The following SLC36A1 variants were observed in gnomAD, a reference collection of about 807,000 sequenced individuals.
SLC36A1 encodes proton-coupled amino acid transporter 1.
In SLC36A1, 30 loss-of-function variants were observed where a neutral mutation model predicts 47.5. The ratio of observed to expected loss-of-function variants is 0.63; its 90% CI spans 0.47 to 0.86. The LOEUF (loss-of-function observed/expected upper bound fraction) is 0.86. SLC36A1 is among the 40% of genes least tolerant of loss of function. The pLI, the probability that SLC36A1 is intolerant of heterozygous loss-of-function variation, is 0.00. For synonymous variants in SLC36A1, 255 were observed against 249.7 expected (o/e 1.02, Z -0.20); for missense variants, 517 against 606.0 (o/e 0.85, Z 1.54).
chr5:151,355,750 T>G, the SLC36A1 span, among the ~76,000 whole-genome samples: 2 of 152,212 alleles, frequency 1.3e-5, no homozygotes, highest in African/African-American at 2.4e-5. Context: ...ATGAACCCAT[T>G]TTTCAAAAAA....
At chr5:151,350,468 C>T in the SLC36A1 span, among the ~76,000 whole-genome samples, 68 of 152,230 alleles carry the variant, frequency 4.5e-4, no homozygotes, top group South Asian at 9.8e-3. Flanking sequence ...ATGACTAGGG[C>T]GTAGTAGGAA....
chr5:151,344,627 T>G, the SLC36A1 span, among the ~76,000 whole-genome samples: 1 of 152,204 alleles, frequency 6.6e-6, no homozygotes, highest in Non-Finnish European at 1.5e-5. Flanking sequence ...GTTAATGACT[T>G]ATCCAGGATA....
At chr5:151,476,546 T>G (rs165352) in intron 8 of SLC36A1, 44 bp from the exon 9 acceptor site, 542,328 of 1,396,128 alleles carry the variant, frequency 0.39, 107,956 homozygotes, top group East Asian at 0.52. Context: ...CATTAACTTT[T>G]CTTTTTTCTG....
chr5:151,391,378 T>C, the SLC36A1 span, among the ~76,000 whole-genome samples: 2 of 152,076 alleles, frequency 1.3e-5, no homozygotes, highest in African/African-American at 4.8e-5. Flanking sequence ...CTTTTCCTAA[T>C]TGAATACCCT....
the SLC36A1 span, among the ~76,000 whole-genome samples, chr5:151,346,930 A>G: frequency 1.3e-5 from 2 of 152,178 alleles, no homozygotes; most frequent in Admixed American, 6.5e-5. Context: ...CTTCTCCTCC[A>G]AGTAGTTAGG....
At chr5:151,347,096 T>G in the SLC36A1 span, among the ~76,000 whole-genome samples, 1 of 152,216 alleles carries the variant, frequency 6.6e-6, no homozygotes, top group Non-Finnish European at 1.5e-5. Context: ...TTTTGGGATC[T>G]GGATCACTAT....
In SLC36A1 at chr5:151,458,886, C is replaced by T; in HGVS notation, c.94C>T (p.Leu32Phe). The change falls in exon 2 of 11, where the codon CTC becomes TTC. Residue 32 changes from leucine (L) to phenylalanine (F), a missense_variant. Leu to Phe is a conservative substitution (Grantham distance 22, BLOSUM62 0). Transcript: ENST00000243389. ...GAGCCCGTCGGAAGGCCTCAACAAC[C>T]TCTCCTCCCCGGGCTCCTACCAGCG... ...EESPSEGLNNLSSPGSYQRFG... is the reference protein window; with the variant it reads ...EESPSEGLNNFSSPGSYQRFG... The T allele has an allele frequency of 6.2e-7, 1 of 1,614,052 alleles. No homozygotes were observed. The highest frequency in any genetic ancestry group is 8.5e-7 in the Non-Finnish European group (1 of 1,179,998).
At chr5:151,415,515 C>A in the SLC36A1 span, among the ~76,000 whole-genome samples, 1 of 152,146 alleles carries the variant, frequency 6.6e-6, no homozygotes, top group Admixed American at 6.5e-5. Flanking sequence ...CCCTTCAACT[C>A]GTAGCTTAAA....
upstream of SLC36A1, among the ~76,000 whole-genome samples, chr5:151,443,776 C>A (rs1368928951): frequency 6.6e-6 from 1 of 152,162 alleles, no homozygotes; most frequent in African/African-American, 2.4e-5. Flanking sequence ...CCTATGTTCT[C>A]TTCTAGGAGT....
intron 10 of SLC36A1, among the ~76,000 whole-genome samples, chr5:151,480,539 C>T (rs1033283149): frequency 2.1e-4 from 32 of 152,228 alleles, no homozygotes; most frequent in Admixed American, 1.8e-3. Context: ...AAACAGCCCA[C>T]GCAGCAGCTA....
At chr5:151,381,877 C>T in the SLC36A1 span, 65,340 of 239,672 alleles carry the variant, frequency 0.27, 11,865 homozygotes, top group African/African-American at 0.57. Flanking sequence ...ACTGGTCTCC[C>T]GCAAAGCCAG....
chr5:151,481,535 A>G (rs2127536643), intron 10 of SLC36A1, among the ~76,000 whole-genome samples: 1 of 152,278 alleles, frequency 6.6e-6, no homozygotes, highest in Middle Eastern at 3.4e-3. Context: ...AAATTTTAAC[A>G]GCAGCTTCTT....
At chr5:151,512,727 G>T in the SLC36A1 span, 2 of 895,544 alleles carry the variant, frequency 2.2e-6, no homozygotes, top group Non-Finnish European at 3.4e-6. This position sits in a 1 kb window ranked among gnomAD's most constrained non-coding sequence, Gnocchi z 4.1. Context: ...GTGTTTGGCT[G>T]TTTTAGACAT....
intron 10 of SLC36A1, among the ~76,000 whole-genome samples, chr5:151,481,952 G>T (rs1386444370): frequency 6.6e-6 from 1 of 152,130 alleles, no homozygotes; most frequent in Non-Finnish European, 1.5e-5. Context: ...TTTCTTTGGA[G>T]CAATAACCCA....
At position 151,467,910 on chromosome 5, in the gene SLC36A1, C is replaced by T. The variant is rs1342820596; in HGVS notation, c.708C>T (p.Tyr236=). 1 of 1,613,472 alleles carries T rather than the reference C, an allele frequency of 6.2e-7. No individual in the cohort carries two copies. Among genetic ancestry groups the T allele is most frequent in the South Asian group, 1.1e-5 (1 of 91,044 alleles). Reference sequence around the variant, plus strand: ...TGCTGGTCAGCTTGGTCATGATCTACCAGTTCATTGTTCAGGTACATGCCT... The same window carrying T: ...TGCTGGTCAGCTTGGTCATGATCTATCAGTTCATTGTTCAGGTACATGCCT... ...ITMLVSLVMI[Y]QFIVQRIPDP... The change falls in exon 7 of 11, where the codon TAC becomes TAT. Residue 236 remains tyrosine, a synonymous_variant. Transcript: ENST00000243389.
chr5:151,361,370 C>T, the SLC36A1 span, among the ~76,000 whole-genome samples: 1 of 152,194 alleles, frequency 6.6e-6, no homozygotes, highest in Non-Finnish European at 1.5e-5. Flanking sequence ...GAACAAACAA[C>T]TCGAAACATC....
chr5:151,435,826 T>C (rs1759741208), upstream of SLC36A1, among the ~76,000 whole-genome samples: 1 of 142,552 alleles, frequency 7.0e-6, no homozygotes, highest in Non-Finnish European at 1.5e-5. Flanking sequence ...TGACTATAAA[T>C]ATATCTGTAA....
the SLC36A1 span, among the ~76,000 whole-genome samples, chr5:151,526,194 C>T: frequency 4.6e-5 from 7 of 152,178 alleles, no homozygotes; most frequent in African/African-American, 1.7e-4. Flanking sequence ...CTTAGAAACA[C>T]AGCCCATTGG....
the SLC36A1 span, among the ~76,000 whole-genome samples, chr5:151,535,464 G>A: frequency 6.6e-6 from 1 of 152,130 alleles, no homozygotes; most frequent in Non-Finnish European, 1.5e-5. Flanking sequence ...GGTTCCGAGA[G>A]CTTCCATATA....
Sources: allele counts gnomAD v4.1 joint callset (sites outside exome capture counted in the v4.1 genomes callset), GRCh38; gene constraint gnomAD v4.1.1; non-coding constraint Gnocchi (gnomAD v3.1); transcripts MANE v1.5; gene names NCBI Gene and HGNC (gene_info 2026-07-23, HGNC 2026-07-21).